The following DDX11 variants were observed in gnomAD, a reference collection of about 807,000 sequenced individuals.
DDX11 encodes the protein ATP-dependent DNA helicase DDX11.
A neutral mutation model predicts 125.2 loss-of-function variants in DDX11; 72 were observed. The observed-to-expected ratio is 0.58, with a 90% confidence interval of 0.48 to 0.70. The LOEUF (loss-of-function observed/expected upper bound fraction) is 0.70, where lower values mean the gene tolerates loss of function less well. DDX11 is among the 30% of genes least tolerant of loss of function. The pLI, the probability that DDX11 is intolerant of heterozygous loss-of-function variation, is 0.00. For missense variants in DDX11, 883 were observed against 1,165.0 expected (o/e 0.76, Z 3.52); for synonymous variants, 347 against 452.6 (o/e 0.77, Z 2.96).
At chr12:31,083,331 C>A (rs55818925) in intron 2 of DDX11, among the ~76,000 whole-genome samples, 40,666 of 127,558 alleles carry the variant, frequency 0.32, 6,636 homozygotes, top group East Asian at 0.52. Context: ...AAAAACAAAA[C>A]AAAACACAAA....
intron 2 of DDX11, among the ~76,000 whole-genome samples, chr12:31,083,334 A>G (rs1388945561): frequency 1.3e-5 from 2 of 151,194 alleles, no homozygotes; most frequent in South Asian, 4.2e-4. Flanking sequence ...AACAAAACAA[A>G]ACACAAACCG....
At chr12:31,078,687 G>GTT in intron 2 of DDX11, 150 bp downstream of exon 2, 1 of 1,065,102 alleles carries the variant, frequency 9.4e-7, no homozygotes, top group Non-Finnish European at 1.3e-6. Flanking sequence ...CTCTATTAAA[G>GTT]TCTTTTTTTT....
chr12:31,078,629 T>A, intron 2 of DDX11, 92 bp downstream of exon 2: 1 of 1,598,522 alleles, frequency 6.3e-7, no homozygotes, highest in African/African-American at 1.3e-5. Context: ...TTTTCATAGT[T>A]TGAAGTTGGG....
rs1246126883 is a variant in DDX11 at position 31,104,304 on chromosome 12, G to A, written c.*468G>A. ...CTGGTCTCAATTTAAAATGATCCAT[G>A]GCCACAGGGCTCCTGCCCAGGGGCT... On this transcript the variant is annotated 3_prime_UTR_variant, in exon 27 of 27. Transcript: ENST00000542838. 8 of 486,026 alleles carry A rather than the reference G, an allele frequency of 1.6e-5. No homozygotes were observed. The East Asian group carries it at 3.5e-4, about 21-fold the overall frequency. The allele number at this position is 486,026 out of a possible 1,614,324, so 30.1% of individuals were successfully genotyped here.
intron 25 of DDX11, 60 bp from the exon 26 acceptor site, chr12:31,103,517 G>A: frequency 6.2e-7 from 1 of 1,613,090 alleles, no homozygotes; most frequent in Non-Finnish European, 8.5e-7. Context: ...GTCGCCGTGG[G>A]AATGTGCTGT....
chr12:31,076,539 TC>T (rs1940752169), intron 1 of DDX11, among the ~76,000 whole-genome samples: 1 of 152,210 alleles, frequency 6.6e-6, no homozygotes, highest in East Asian at 1.9e-4. Flanking sequence ...TGGATTCGAA[TC>T]CCTGGTTTTC....
chr12:31,089,337 G>A (rs2005896), intron 7 of DDX11, 66 bp from the exon 8 acceptor site: 692,451 of 1,513,504 alleles, frequency 0.46, 152,603 homozygotes, highest in East Asian at 0.84. Context: ...GCAGGTCCAC[G>A]TGTGTTGGTA....
chr12:31,086,212 G>C (rs1299967579), intron 5 of DDX11: 1 of 440,864 alleles, frequency 2.3e-6, no homozygotes, highest in East Asian at 7.0e-5. Context: ...GCCTGGCTCA[G>C]GTGTCGTCTT....
chr12:31,093,250 G>C lies in DDX11; in HGVS notation c.1295G>C (p.Arg432Pro). 1 of 1,612,630 alleles carries C rather than the reference G, an allele frequency of 6.2e-7. No homozygotes were observed. Among genetic ancestry groups the C allele is most frequent in the Non-Finnish European group, 8.5e-7 (1 of 1,179,342 alleles). Residue 432 changes from arginine to proline, a missense_variant, in exon 12 of 27, where the codon CGT (arginine) becomes CCT (proline). Arg to Pro is a moderately radical substitution (Grantham distance 103). Around this residue, in one of 5 missense-constraint regions of DDX11, gnomAD observed 241 missense variants for 279.7 expected, o/e 0.86. Transcript: ENST00000542838. The stretch of plus-strand genomic sequence containing the variant: ...GTCCGTTGGCTTCTTCTCAGGAAGC[G>C]TTTGAAGGCCAAGAACCTGATGTAC... ...LLQYVERYGK[R>P]LKAKNLMYLK... is the part of the protein sequence containing the mutation.
intron 14 of DDX11, among the ~76,000 whole-genome samples, chr12:31,095,109 G>A (rs1284257897): frequency 6.6e-6 from 1 of 152,140 alleles, no homozygotes. Context: ...TCTCCCTCAG[G>A]CTTATGGACA....
intron 5 of DDX11, among the ~76,000 whole-genome samples, chr12:31,085,655 A>G (rs1942987735): frequency 6.6e-6 from 1 of 152,228 alleles, no homozygotes; most frequent in African/African-American, 2.4e-5. Flanking sequence ...CAGGCCACCC[A>G]GGCCATTTCG....
chr12:31,102,891 G>C, intron 23 of DDX11, 45 bp from the exon 24 acceptor site: 6 of 1,584,254 alleles, frequency 3.8e-6, no homozygotes, highest in Non-Finnish European at 5.2e-6. Flanking sequence ...GATGACCCGG[G>C]AGGTCCTGAC....
At chr12:31,103,553 G>T in intron 25 of DDX11, 24 bp from the exon 26 acceptor site, 1 of 1,613,704 alleles carries the variant, frequency 6.2e-7, no homozygotes, top group Non-Finnish European at 8.5e-7. Flanking sequence ...GTTGCTCGGA[G>T]CCCCAGCCTC....
intron 18 of DDX11, among the ~76,000 whole-genome samples, chr12:31,099,951 A>G (rs1946088272): frequency 6.6e-6 from 1 of 152,004 alleles, no homozygotes; most frequent in African/African-American, 2.4e-5. Context: ...TTTTATTTAC[A>G]CAGAAGGCAT....
intron 11 of DDX11, 51 bp downstream of exon 11, chr12:31,092,943 C>T (rs773354930): frequency 6.2e-6 from 10 of 1,602,814 alleles, no homozygotes; most frequent in East Asian, 2.2e-5. Context: ...TGGCCCCCTG[C>T]GTGGGCCTCT....
intron 18 of DDX11, among the ~76,000 whole-genome samples, chr12:31,098,288 TC>T (rs1945681242): frequency 6.6e-6 from 1 of 152,240 alleles, no homozygotes; most frequent in Non-Finnish European, 1.5e-5. Context: ...AAATCATGAT[TC>T]CACTTTTAAA....
chr12:31,086,993 C>T (rs1394341719), intron 5 of DDX11, among the ~76,000 whole-genome samples: 1 of 135,270 alleles, frequency 7.4e-6, no homozygotes, highest in Non-Finnish European at 1.5e-5. Context: ...AAAGGAATTT[C>T]GAGGTGAACA....
Position 31,084,978 on chromosome 12 carries a change from G to A in DDX11, c.490G>A (p.Glu164Lys). 6.2e-7 allele frequency: 1 copy of A among 1,607,478 alleles called. No homozygotes were observed. The change falls in exon 5 of 27, where the codon GAA becomes AAA. Residue 164 changes from glutamate (E) to lysine (K), a missense_variant. This residue lies in a region of DDX11 where 283 missense variants were observed against 359.6 expected (regional missense o/e 0.79). Coordinates refer to ENST00000542838, the MANE Select transcript of DDX11 (RefSeq NM_030653.4). ...KYAAKRLRQE[E>K]EERENLLRLS... ...CACTACCCCTGTCCAGAGGCAGGAA[G>A]AAGAAGAAAGAGAGAATCTCCTCCG...
In DDX11 at chr12:31,103,972, G is replaced by A. The variant is rs546957795; in HGVS notation, c.*136G>A. ...AGGAGGAGAGTGTGGAGTCCAGAGT[G>A]CTGCCAGGACCCAGGCACAGGCGTT... On this transcript the variant is annotated 3_prime_UTR_variant, in exon 27 of 27. Coordinates refer to ENST00000542838, the MANE Select transcript of DDX11 (RefSeq NM_030653.4). 5.7e-6 allele frequency: 9 copies of A among 1,579,296 alleles called. No individual in the cohort carries two copies. The highest frequency in any genetic ancestry group is 4.7e-5 in the East Asian group (2 of 42,238).
Sources: allele counts gnomAD v4.1 joint callset (sites outside exome capture counted in the v4.1 genomes callset), GRCh38; gene constraint gnomAD v4.1.1; regional missense constraint gnomAD v4.1.1; transcripts MANE v1.5; gene names NCBI Gene and HGNC (gene_info 2026-07-23, HGNC 2026-07-21).